The following EXTL1 variants were observed in gnomAD, a reference collection of about 807,000 sequenced individuals.
EXTL1 encodes exostosin-like 1.
Under a neutral mutation model 64.6 loss-of-function variants are expected in EXTL1, and 43 were observed. The observed-to-expected ratio is 0.67, with a 90% CI of 0.52 to 0.86. The LOEUF is 0.86. EXTL1 is among the 40% of genes least tolerant of loss of function. The pLI, the probability that EXTL1 is intolerant of heterozygous loss-of-function variation, is 0.00. For synonymous variants in EXTL1, 352 were observed against 360.5 expected (o/e 0.98, Z 0.27); for missense variants, 766 against 879.0 (o/e 0.87, Z 1.62).
Position 26,035,302 on chromosome 1 carries a change from G to C in EXTL1, c.1986G>C (p.Pro662=), listed in dbSNP as rs756949036. ...LRLDPVLFKD[P]VSVQRKKYRS... Reference sequence around the variant, plus strand: ...TGGACCCGGTGCTGTTTAAGGACCCGGTGTCCGTGCAGCGCAAGAAGTACC... The same window carrying C: ...TGGACCCGGTGCTGTTTAAGGACCCCGTGTCCGTGCAGCGCAAGAAGTACC... The change falls in exon 11 of 11, where the codon CCG becomes CCC. Residue 662 remains proline (P), a synonymous_variant. Coordinates refer to ENST00000374280, the MANE Select transcript of EXTL1 (RefSeq NM_004455.3). The surrounding 1 kb of genome is among the most constrained non-coding windows in gnomAD (Gnocchi z 5.3). The C allele has an allele frequency of 1.2e-6, 2 of 1,613,094 alleles. No homozygotes were observed. The highest frequency in any genetic ancestry group is 2.7e-5 in the African/African-American group (2 of 74,928).
chr1:26,033,598 C>T lies in EXTL1; in HGVS notation c.1519-98C>T. The T allele has an allele frequency of 1.5e-6, 2 of 1,321,540 alleles. No homozygotes were observed. The highest frequency in any genetic ancestry group is 1.1e-6 in the Non-Finnish European group (1 of 935,840). The allele number at this position is 1,321,540 out of a possible 1,614,324, so 81.9% of individuals were successfully genotyped here. Reference sequence around the variant, plus strand: ...CCCGCGCCCTCTCCCCTGAGTCCTGCCCGGGCCCCTCAGCCAGGCTGCCCC... The same window carrying T: ...CCCGCGCCCTCTCCCCTGAGTCCTGTCCGGGCCCCTCAGCCAGGCTGCCCC... On this transcript the variant is annotated intron_variant, in intron 8 of 10. Coordinates refer to ENST00000374280, the MANE Select transcript of EXTL1 (RefSeq NM_004455.3). This position sits in a 1 kb window ranked among gnomAD's most constrained non-coding sequence, Gnocchi z 5.1.
chr1:26,035,028 G>A lies in EXTL1; in HGVS notation c.1848+24G>A, dbSNP rs749846747. On this transcript the variant is annotated intron_variant, in intron 10 of 10. Coordinates refer to ENST00000374280, the MANE Select transcript of EXTL1 (RefSeq NM_004455.3). The surrounding 1 kb of genome is among the most constrained non-coding windows in gnomAD (Gnocchi z 5.3). Reference sequence around the variant, plus strand: ...TGGTGAGGGCTGAGGGGGATTGGTCGGAACTGGCAGGGATTGGGCGGGGAT... The same window carrying A: ...TGGTGAGGGCTGAGGGGGATTGGTCAGAACTGGCAGGGATTGGGCGGGGAT... The A allele has an allele frequency of 3.1e-6, 5 of 1,612,152 alleles. No individual in the cohort carries two copies. The highest frequency in any genetic ancestry group is 1.1e-5 in the South Asian group (1 of 91,002).
In EXTL1 at chr1:26,033,852, C is replaced by CATAG; in HGVS notation, c.1676_1679dup (p.Tyr561Ter). The CATAG allele has an allele frequency of 6.2e-7, 1 of 1,613,336 alleles. No individual in the cohort carries two copies. ...GGTTCTCACCACAGCCGCCTTCTAC[C>CATAG]ATAGGTACAGACCCCTACCCTGCAC... is the stretch of plus-strand genomic sequence containing the variant. On this transcript the variant is annotated frameshift_variant, in exon 9 of 11. Transcript: ENST00000374280. LOFTEE classifies it high-confidence loss of function. This position sits in a 1 kb window ranked among gnomAD's most constrained non-coding sequence, Gnocchi z 5.1.
At position 26,030,702 on chromosome 1, in the gene EXTL1, T is replaced by C. The variant is rs1323058716; in HGVS notation, c.1101+107T>C. 3.2e-6 allele frequency: 4 copies of C among 1,241,232 alleles called. No individual in the cohort carries two copies. The African/African-American group carries it at 4.5e-5, about 14-fold the overall frequency. 76.9% of individuals were successfully genotyped at this position (1,241,232 alleles called of 1,614,324 possible). A position where few individuals can be genotyped will look rare whatever the true frequency, so the allele number is the denominator to read the frequency against. On this transcript the variant is annotated intron_variant, in intron 4 of 10. Transcript: ENST00000374280. ...TGTTTGGGGAACCCCCCCCCCTTCC[T>C]TGAAGATGGTCCTGGGATGAATCTG...
At position 26,034,219 on chromosome 1, in the gene EXTL1, T is replaced by C. The variant is rs2050315816; in HGVS notation, c.1679+363T>C. Among the ~76,000 whole-genome samples the C allele has an allele frequency of 6.6e-6, 1 of 152,234 alleles. No individual in the cohort carries two copies. The highest frequency in any genetic ancestry group is 6.5e-5 in the Admixed American group (1 of 15,288). ...AAATAGTCCTGATGCTTTATGAATG[T>C]GGATGTTATGAGTTGGGGAACATCC... On this transcript the variant is annotated intron_variant, in intron 9 of 10. Coordinates refer to ENST00000374280, the MANE Select transcript of EXTL1 (RefSeq NM_004455.3). This position sits in a 1 kb window ranked among gnomAD's most constrained non-coding sequence, Gnocchi z 4.6.
At chr1:26,028,837 T>C (rs1471992280) in intron 1 of EXTL1, among the ~76,000 whole-genome samples, 1 of 152,162 alleles carries the variant, frequency 6.6e-6, no homozygotes, top group Non-Finnish European at 1.5e-5. Context: ...CAGACGTGCA[T>C]GTCTAAGTCA....
rs561203033 is a variant in EXTL1, at chr1:26,029,681, G to T, written c.955G>T (p.Val319Leu). ...EVIDWTKAAI[V>L]ADERLPLQVL... ...CATCGACTGGACCAAGGCAGCCATC[G>T]TAGCTGATGAGAGGCTCCCACTTCA... Residue 319 changes from valine (V) to leucine (L), a missense_variant, in exon 3 of 11, where the codon GTA (valine) becomes TTA (leucine). Transcript: ENST00000374280. The T allele has an allele frequency of 6.2e-7, 1 of 1,611,974 alleles. No homozygotes were observed. The highest frequency in any genetic ancestry group is 1.3e-5 in the African/African-American group (1 of 75,028).
chr1:26,024,397 T>C (rs79445755), intron 1 of EXTL1, among the ~76,000 whole-genome samples: 3,362 of 152,242 alleles, frequency 0.022, 122 homozygotes, highest in African/African-American at 0.074. Context: ...ATCCTCCTTT[T>C]GCTCCTCCCT....
In EXTL1 at chr1:26,029,645, T is replaced by C; in HGVS notation, c.919T>C (p.Phe307Leu). 2 of 1,612,174 alleles carry C rather than the reference T, an allele frequency of 1.2e-6. No individual in the cohort carries two copies. The highest frequency in any genetic ancestry group is 1.7e-6 in the Non-Finnish European group (2 of 1,179,746). The change falls in exon 3 of 11, where the codon TTC becomes CTC. Residue 307 changes from phenylalanine (F) to leucine (L), a missense_variant. This residue lies in a region of EXTL1 where 571 missense variants were observed against 647.6 expected (regional missense o/e 0.88). Transcript: ENST00000374280. The stretch of plus-strand genomic sequence containing the variant: ...TCTCAGCCCCCGCTGGGAGCTGCCC[T>C]TCTCCGAGGTCATCGACTGGACCAA... Reference protein sequence around the residue: ...VLLSPRWELPFSEVIDWTKAA... With the variant: ...VLLSPRWELPLSEVIDWTKAA...
At position 26,023,321 on chromosome 1, in the gene EXTL1, C is replaced by G; in HGVS notation, c.675C>G (p.Ala225=). Residue 225 remains alanine (A), a synonymous_variant, in exon 1 of 11, where the codon GCC becomes GCG. Coordinates refer to ENST00000374280, the MANE Select transcript of EXTL1 (RefSeq NM_004455.3). The part of the protein sequence containing the change: ...LRQHSPQPGV[A]LLALEEERGG... ...AACACAGCCCCCAGCCCGGGGTAGC[C>G]CTGCTAGCCCTGGAAGAGGAGAGGG... is the stretch of plus-strand genomic sequence containing the variant. The G allele has an allele frequency of 6.5e-7, 1 of 1,538,224 alleles. No individual in the cohort carries two copies. Among genetic ancestry groups the G allele is most frequent in the Non-Finnish European group, 8.8e-7 (1 of 1,140,734 alleles).
Position 26,035,538 on chromosome 1 carries a change from G to T in EXTL1, c.*191G>T, listed in dbSNP as rs1478703893. ...TACCTTCTCCTGCTCGCCCTCAGCC[G>T]CGGAGCCTCTGCGGAGGCTGAGCCC... On this transcript the variant is annotated 3_prime_UTR_variant, in exon 11 of 11. Coordinates refer to ENST00000374280, the MANE Select transcript of EXTL1 (RefSeq NM_004455.3). The surrounding 1 kb of genome is among the most constrained non-coding windows in gnomAD (Gnocchi z 5.3). 4 of 474,182 alleles carry T rather than the reference G, an allele frequency of 8.4e-6. No homozygotes were observed. The highest frequency in any genetic ancestry group is 3.2e-5 in the East Asian group (1 of 31,556). 29.4% of individuals were successfully genotyped at this position (474,182 alleles called of 1,614,324 possible).
chr1:26,029,612 C>A lies in EXTL1; in HGVS notation c.886C>A (p.Pro296Thr). ...FLQALQAGCI[P>T]VLLSPRWELP... ...CCCCGCCCCCCAGGCCGGCTGCATC[C>A]CAGTGCTTCTCAGCCCCCGCTGGGA... Residue 296 changes from proline to threonine, a missense_variant, in exon 3 of 11, where the codon CCA (proline) becomes ACA (threonine). Transcript: ENST00000374280. The A allele has an allele frequency of 6.2e-7, 1 of 1,607,634 alleles. No homozygotes were observed. The highest frequency in any genetic ancestry group is 8.5e-7 in the Non-Finnish European group (1 of 1,177,446).
intron 5 of EXTL1, 58 bp from the exon 6 acceptor site, chr1:26,031,402 C>T: frequency 7.3e-7 from 1 of 1,367,000 alleles, no homozygotes; most frequent in African/African-American, 1.5e-5. Context: ...CTACTCAGGT[C>T]ATTCTTCATG....
In EXTL1 at chr1:26,029,641, G is replaced by A. The variant is rs756432024; in HGVS notation, c.915G>A (p.Leu305=). The A allele has an allele frequency of 2.5e-5, 40 of 1,611,788 alleles. No individual in the cohort carries two copies. ...IPVLLSPRWE[L]PFSEVIDWTK... is the part of the protein sequence containing the mutation. Reference sequence around the variant, plus strand: ...TGCTTCTCAGCCCCCGCTGGGAGCTGCCCTTCTCCGAGGTCATCGACTGGA... The same window carrying A: ...TGCTTCTCAGCCCCCGCTGGGAGCTACCCTTCTCCGAGGTCATCGACTGGA... The change falls in exon 3 of 11, where the codon CTG becomes CTA. Residue 305 remains leucine (L), a synonymous_variant. Coordinates refer to ENST00000374280, the MANE Select transcript of EXTL1 (RefSeq NM_004455.3).
chr1:26,024,256 C>T (rs2050190914), intron 1 of EXTL1, among the ~76,000 whole-genome samples: 2 of 152,134 alleles, frequency 1.3e-5, no homozygotes, highest in South Asian at 4.1e-4. Flanking sequence ...AGGCCAGCAG[C>T]CTCTAAAGGC....
At chr1:26,031,059 C>A in intron 4 of EXTL1, 73 bp from the exon 5 acceptor site, 1 of 1,597,194 alleles carries the variant, frequency 6.3e-7, no homozygotes. Context: ...CCACCCTCCC[C>A]AGAGCCTGGA....
chr1:26,024,839 T>C (rs1051216977), intron 1 of EXTL1, among the ~76,000 whole-genome samples: 5 of 152,222 alleles, frequency 3.3e-5, no homozygotes, highest in African/African-American at 1.2e-4. Flanking sequence ...TAGTTACCGC[T>C]AAGCACAGTT....
At position 26,033,419 on chromosome 1, in the gene EXTL1, G is replaced by A; in HGVS notation, c.1518+104G>A. 1 of 1,002,104 alleles carries A rather than the reference G, an allele frequency of 1.0e-6. No individual in the cohort carries two copies. Among genetic ancestry groups the A allele is most frequent in the Non-Finnish European group, 1.6e-6 (1 of 641,310 alleles). The allele number at this position is 1,002,104 out of a possible 1,614,324, so 62.1% of individuals were successfully genotyped here. A position where few individuals can be genotyped will look rare whatever the true frequency, so the allele number is the denominator to read the frequency against. On this transcript the variant is annotated intron_variant, in intron 8 of 10. Coordinates refer to ENST00000374280, the MANE Select transcript of EXTL1 (RefSeq NM_004455.3). The surrounding 1 kb of genome is among the most constrained non-coding windows in gnomAD (Gnocchi z 5.1). ...GGTTGAGGGGACCCCAGGTCATGAG[G>A]TCCAGCCTCTTGCATTTGAAACCAC...
rs755245874 is a variant in EXTL1 at position 26,030,535 on chromosome 1, C to T, written c.1041C>T (p.Thr347=). ...GGGTCCTCGCCCTGCGTCAGCAGACCCAGTTTCTATGGGATGCCTACTTCT... is the reference window on the plus strand; with the variant it reads ...GGGTCCTCGCCCTGCGTCAGCAGACTCAGTTTCTATGGGATGCCTACTTCT... ...PARVLALRQQ[T]QFLWDAYFSS... is the part of the protein sequence containing the mutation. The change falls in exon 4 of 11, where the codon ACC becomes ACT. Residue 347 remains threonine (T), a synonymous_variant. Coordinates refer to ENST00000374280, the MANE Select transcript of EXTL1 (RefSeq NM_004455.3). 1.9e-6 allele frequency: 3 copies of T among 1,613,656 alleles called. No homozygotes were observed. The South Asian group carries it at 3.3e-5, about 18-fold the overall frequency.
Sources: allele counts gnomAD v4.1 joint callset (sites outside exome capture counted in the v4.1 genomes callset), GRCh38; gene constraint gnomAD v4.1.1; regional missense constraint gnomAD v4.1.1; non-coding constraint Gnocchi (gnomAD v3.1); transcripts MANE v1.5; gene names NCBI Gene and HGNC (gene_info 2026-07-23, HGNC 2026-07-21).